DGKH: variants seen among roughly 807,000 people sequenced by gnomAD.
DGKH encodes DAG kinase eta.
In DGKH, 90 loss-of-function variants were observed where a neutral mutation model predicts 159.3. That is an observed-to-expected ratio of 0.57 (90% CI 0.48 to 0.67). The LOEUF (loss-of-function observed/expected upper bound fraction) is 0.67, where lower values mean the gene tolerates loss of function less well. Ranked by LOEUF, DGKH falls within the 30% of genes least tolerant of loss-of-function variation. DGKH has a pLI of 0.00. For synonymous variants in DGKH, 536 were observed against 553.8 expected (o/e 0.97, Z 0.45); for missense variants, 1,181 against 1,506.1 (o/e 0.78, Z 3.57).
upstream of DGKH, among the ~76,000 whole-genome samples, chr13:42,046,625 C>T (rs1198894526): frequency 3.3e-5 from 5 of 152,186 alleles, no homozygotes; most frequent in African/African-American, 4.8e-5. Context: ...GAGTGAGATG[C>T]GTAATCTGAC....
intron 13 of DGKH, among the ~76,000 whole-genome samples, chr13:42,186,606 A>G (rs1956933740): frequency 6.6e-6 from 1 of 152,210 alleles, no homozygotes; most frequent in Non-Finnish European, 1.5e-5. Flanking sequence ...GTAATAATAT[A>G]TTGTAACTGT....
In DGKH at chr13:42,208,288, AGAGT is replaced by A. The variant is rs1189637211; in HGVS notation, c.2602-670_2602-667del. Among the ~76,000 whole-genome samples, 8 of 152,296 alleles carry A rather than the reference AGAGT, an allele frequency of 5.3e-5. 1 individual carries two copies. The highest frequency in any genetic ancestry group is 4.1e-4 in the South Asian group (2 of 4,820). On this transcript the variant is annotated intron_variant, in intron 21 of 29. Coordinates refer to ENST00000337343, the MANE Select transcript of DGKH (RefSeq NM_178009.5). The stretch of plus-strand genomic sequence containing the variant: ...TATTATTTATGATATAGTAAAAGAG[AGAGT>A]AAGGTAATACAGCCTACATATAAAA...
chr13:42,256,267 G>A (rs1958656695), intron 30 of DGKH: 3 of 1,586,888 alleles, frequency 1.9e-6, no homozygotes, highest in Non-Finnish European at 1.7e-6. Flanking sequence ...CAGCCAGGCT[G>A]CTGGCGGATG....
chr13:42,188,954 T>G, intron 14 of DGKH, 82 bp from the exon 15 acceptor site: 1 of 1,477,584 alleles, frequency 6.8e-7, no homozygotes, highest in Non-Finnish European at 9.1e-7. Context: ...TTTCAAAACA[T>G]CTCTATAAAA....
rs151126673 is a variant in DGKH, at chr13:42,139,035, G to T, written c.384+9403G>T. 3.7e-3 allele frequency among the ~76,000 whole-genome samples: 562 copies of T among 152,166 alleles called. 2 individuals are homozygous for T. The highest frequency in any genetic ancestry group is 6.8e-3 in the Middle Eastern group (2 of 294). On this transcript the variant is annotated intron_variant, in intron 3 of 29. Transcript: ENST00000337343. ...AAATATCTTATCTTTGTTTCTGTGG[G>T]TGTTTCATATTTATCTTTTTATTTA... is the stretch of plus-strand genomic sequence containing the variant.
intron 1 of DGKH, among the ~76,000 whole-genome samples, chr13:42,088,643 A>C (rs1474417752): frequency 6.6e-6 from 1 of 152,174 alleles, no homozygotes; most frequent in Non-Finnish European, 1.5e-5. Flanking sequence ...AGCATGAGTA[A>C]TAAGCCAAAA....
At chr13:42,255,637 A>G (rs1958651845) in intron 30 of DGKH, among the ~76,000 whole-genome samples, 1 of 152,204 alleles carries the variant, frequency 6.6e-6, no homozygotes, top group South Asian at 2.1e-4. Flanking sequence ...TATTCAGCAA[A>G]TGATGTTGGA....
chr13:42,081,982 T>G (rs1938277735), intron 1 of DGKH, among the ~76,000 whole-genome samples: 1 of 152,206 alleles, frequency 6.6e-6, no homozygotes, highest in South Asian at 2.1e-4. Flanking sequence ...GAACCTTTGA[T>G]TCCAGTCCAC....
intron 24 of DGKH, among the ~76,000 whole-genome samples, chr13:42,212,224 T>C (rs1192405451): frequency 6.6e-6 from 1 of 152,192 alleles, no homozygotes; most frequent in Non-Finnish European, 1.5e-5. Context: ...ATTTATTAGA[T>C]AACTAGACTG....
rs1488739051 is a variant in DGKH, at chr13:42,159,123, ATAATT to A, written c.623-138_623-134del. 5.6e-6 allele frequency: 3 copies of A among 537,498 alleles called. No individual in the cohort carries two copies. The African/African-American group carries it at 5.7e-5, about 10-fold the overall frequency. The allele number at this position is 537,498 out of a possible 1,614,324, so 33.3% of individuals were successfully genotyped here. A position where few individuals can be genotyped will look rare whatever the true frequency, so the allele number is the denominator to read the frequency against. On this transcript the variant is annotated intron_variant, in intron 5 of 29. Transcript: ENST00000337343. ...AGAATACCATTACTATTGTTGCAGA[ATAATT>A]TAATCTTTTAAATATATTTGTTTTC...
intron 1 of DGKH, among the ~76,000 whole-genome samples, chr13:42,059,818 G>C (rs1882010999): frequency 6.6e-6 from 1 of 151,376 alleles, no homozygotes; most frequent in African/African-American, 2.4e-5. Context: ...TCAGTCAACT[G>C]CTTCTTGCCA....
intron 1 of DGKH, among the ~76,000 whole-genome samples, chr13:42,094,321 G>C (rs977818764): frequency 2.6e-5 from 4 of 152,180 alleles, no homozygotes; most frequent in Non-Finnish European, 4.4e-5. Flanking sequence ...GATCAACTCT[G>C]ATGATACTTT....
At position 42,229,286 on chromosome 13, in the gene DGKH, T is replaced by A; in HGVS notation, c.*98T>A. The A allele has an allele frequency of 9.7e-7, 1 of 1,029,138 alleles. No individual in the cohort carries two copies. The highest frequency in any genetic ancestry group is 1.4e-6 in the Non-Finnish European group (1 of 698,148). 63.8% of individuals were successfully genotyped at this position (1,029,138 alleles called of 1,614,324 possible). The stretch of plus-strand genomic sequence containing the variant: ...TCTTGTAGTTTTCTGCATAGATAAG[T>A]AAGCACCACTGAAGCACCTCTGTGG... On this transcript the variant is annotated 3_prime_UTR_variant, in exon 30 of 30. Transcript: ENST00000337343.
chr13:42,120,713 C>G (rs534910115), intron 1 of DGKH, among the ~76,000 whole-genome samples: 2 of 152,278 alleles, frequency 1.3e-5, no homozygotes, highest in African/African-American at 4.8e-5. Flanking sequence ...CACCAAAACA[C>G]TAATCCAATT....
chr13:42,040,076 T>A (rs755684492), exon 1 of DGKH: 6 of 152,324 alleles, frequency 3.9e-5, no homozygotes, highest in Non-Finnish European at 8.8e-5. Flanking sequence ...CGGCGCAGCT[T>A]GCCCTGGAGC....
chr13:42,176,601 A>G (rs571558576), intron 12 of DGKH, among the ~76,000 whole-genome samples: 5 of 124,572 alleles, frequency 4.0e-5, no homozygotes, highest in Admixed American at 2.6e-4. Context: ...TGTGGAATGA[A>G]GGTAAATTAG....
In DGKH at chr13:42,067,852, A is replaced by G. The variant is rs1882689123; in HGVS notation, c.192+18887A>G. 2.6e-5 allele frequency among the ~76,000 whole-genome samples: 4 copies of G among 152,182 alleles called. No individual in the cohort carries two copies. In the South Asian group the frequency reaches 8.3e-4, roughly 32 times the overall value. On this transcript the variant is annotated intron_variant, in intron 1 of 29. Transcript: ENST00000337343. ...CACATGCTACATTTAACCTAATTTT[A>G]TTCATGCTTGCCTTGGGATGGGGAA...
chr13:42,140,007 G>C (rs1036467836), intron 3 of DGKH, among the ~76,000 whole-genome samples: 1 of 152,164 alleles, frequency 6.6e-6, no homozygotes, highest in African/African-American at 2.4e-5. Flanking sequence ...AATCTTCTTA[G>C]AACTTGAGGC....
chr13:42,075,749 G>A (rs1010959021), intron 1 of DGKH, among the ~76,000 whole-genome samples: 4 of 152,168 alleles, frequency 2.6e-5, no homozygotes, highest in Non-Finnish European at 5.9e-5. Context: ...AGCACTGGCT[G>A]CTACCTGTTT....
Sources: allele counts gnomAD v4.1 joint callset (sites outside exome capture counted in the v4.1 genomes callset), GRCh38; gene constraint gnomAD v4.1.1; transcripts MANE v1.5; gene names NCBI Gene and HGNC (gene_info 2026-07-23, HGNC 2026-07-21).